BEGAIN: variants seen among roughly 807,000 people sequenced by gnomAD.
BEGAIN encodes the protein brain enriched guanylate kinase associated, also known as brain-enriched guanylate kinase-associated protein.
In BEGAIN, 19 loss-of-function variants were observed where a neutral mutation model predicts 35.8. That is an observed-to-expected ratio of 0.53 (90% confidence interval 0.37 to 0.78). The LOEUF (loss-of-function observed/expected upper bound fraction) is 0.78, where lower values mean the gene tolerates loss of function less well. Ranked by LOEUF, BEGAIN falls within the 30% of genes least tolerant of loss-of-function variation. The probability of loss-of-function intolerance (pLI) is 0.00; values close to 1 mark genes in which losing one functional copy is unlikely to be tolerated. For synonymous variants in BEGAIN, 462 were observed against 388.6 expected (o/e 1.19, Z -2.22); for missense variants, 795 against 853.6 (o/e 0.93, Z 0.85).
intron 5 of BEGAIN, among the ~76,000 whole-genome samples, chr14:100,543,155 C>A (rs2031882237): frequency 6.6e-6 from 1 of 152,162 alleles, no homozygotes; most frequent in South Asian, 2.1e-4. Context: ...TCCAGAAGCA[C>A]CCTCTTGAAA....
In BEGAIN at chr14:100,552,320, T is replaced by G. The variant is rs143046462; in HGVS notation, c.72-5658A>C. On this transcript the variant is annotated intron_variant, in intron 2 of 6. Coordinates refer to ENST00000554140, the MANE Select transcript of BEGAIN (RefSeq NM_001385089.1). ...TCTCTCACAGGACATTTACTGAGCA[T>G]CACTGGTGACCCGCTCTGGTTCTGA... is the stretch of plus-strand genomic sequence containing the variant. Among the ~76,000 whole-genome samples the G allele has an allele frequency of 9.7e-4, 147 of 152,294 alleles. 1 individual carries two copies. Among genetic ancestry groups the G allele is most frequent in the African/African-American group, 3.4e-3 (142 of 41,558 alleles).
intron 1 of BEGAIN, among the ~76,000 whole-genome samples, chr14:100,580,907 T>C (rs982028721): frequency 2.0e-4 from 31 of 152,058 alleles, no homozygotes; most frequent in African/African-American, 6.8e-4. Flanking sequence ...GATGAGAATA[T>C]AGGGGAGGGA....
chr14:100,570,624 T>G (rs1008718461), intron 1 of BEGAIN, among the ~76,000 whole-genome samples: 3 of 152,024 alleles, frequency 2.0e-5, no homozygotes, highest in Non-Finnish European at 2.9e-5. Context: ...GACTAAAAGA[T>G]GGGTTGTGCC....
In BEGAIN at chr14:100,563,938, A is replaced by G. The variant is rs927575854; in HGVS notation, c.71+3973T>C. On this transcript the variant is annotated intron_variant, in intron 2 of 6. Coordinates refer to ENST00000554140, the MANE Select transcript of BEGAIN (RefSeq NM_001385089.1). The surrounding 1 kb of genome is among the most constrained non-coding windows in gnomAD (Gnocchi z 4.2). The stretch of plus-strand genomic sequence containing the variant: ...CCCAAAACACAGGCTGAAGGAATCC[A>G]GGTATGAGGTCCCAAAGCAGGCAAC... Among the ~76,000 whole-genome samples the G allele has an allele frequency of 1.1e-4, 16 of 152,342 alleles. No homozygotes were observed. The highest frequency in any genetic ancestry group is 2.0e-4 in the Admixed American group (3 of 15,310).
rs187169520 is a variant in BEGAIN at position 100,540,167 on chromosome 14, G to A, written c.492+329C>T. ...ATCGTGCCCAGCCACAGGCTCCTGC[G>A]AAGCTCCACAAAGGTCACTCTGCCG... On this transcript the variant is annotated intron_variant, in intron 6 of 6. Transcript: ENST00000554140. 212 of 318,322 alleles carry A rather than the reference G, an allele frequency of 6.7e-4. 3 individuals are homozygous for A. The East Asian group carries it at 9.4e-3, about 14-fold the overall frequency. The allele number at this position is 318,322 out of a possible 1,614,324, so 19.7% of individuals were successfully genotyped here. A position where few individuals can be genotyped will look rare whatever the true frequency, so the allele number is the denominator to read the frequency against.
intron 2 of BEGAIN, among the ~76,000 whole-genome samples, chr14:100,552,692 G>A (rs2033322605): frequency 6.6e-6 from 1 of 152,230 alleles, no homozygotes; most frequent in Admixed American, 6.5e-5. Context: ...ACCTCCCACT[G>A]GTTTCCTGGC....
At chr14:100,559,568 G>A (rs1284693616) in intron 2 of BEGAIN, among the ~76,000 whole-genome samples, 1 of 152,216 alleles carries the variant, frequency 6.6e-6, no homozygotes, top group Non-Finnish European at 1.5e-5. Flanking sequence ...ACCCACGCTG[G>A]CTTTGCTAAT....
chr14:100,546,707 G>C (rs771955934), intron 2 of BEGAIN, 45 bp from the exon 3 acceptor site: 6 of 1,518,830 alleles, frequency 4.0e-6, no homozygotes, highest in Admixed American at 2.0e-5. Flanking sequence ...GCGCTGAGCG[G>C]GGGAAACTAA....
In BEGAIN at chr14:100,568,870, G is replaced by A. The variant is rs986926242; in HGVS notation, c.43-931C>T. On this transcript the variant is annotated intron_variant, in intron 1 of 6. Coordinates refer to ENST00000554140, the MANE Select transcript of BEGAIN (RefSeq NM_001385089.1). This position sits in a 1 kb window ranked among gnomAD's most constrained non-coding sequence, Gnocchi z 7.5. ...GTGACTGGCACTCAAGGGGGACAGG[G>A]GTCCGAGCTCAGGGACCACGCGACA... 15 of 985,680 alleles carry A rather than the reference G, an allele frequency of 1.5e-5. No individual in the cohort carries two copies. The African/African-American group carries it at 2.3e-4, about 15-fold the overall frequency. The allele number at this position is 985,680 out of a possible 1,614,324, so 61.1% of individuals were successfully genotyped here.
intron 2 of BEGAIN, among the ~76,000 whole-genome samples, chr14:100,562,503 T>C (rs7147581): frequency 0.57 from 87,223 of 151,722 alleles, 28,310 homozygotes; most frequent in African/African-American, 0.89. Context: ...TCCATCCTTT[T>C]AGCTGCTCGT....
At chr14:100,541,920 C>G (rs961405684) in intron 5 of BEGAIN, among the ~76,000 whole-genome samples, 1 of 152,218 alleles carries the variant, frequency 6.6e-6, no homozygotes, top group African/African-American at 2.4e-5. Context: ...CACCCAGGGC[C>G]CGGGGCTGCT....
At chr14:100,560,718 G>A (rs2034166307) in intron 2 of BEGAIN, among the ~76,000 whole-genome samples, 2 of 152,224 alleles carry the variant, frequency 1.3e-5, no homozygotes, top group African/African-American at 4.8e-5. Flanking sequence ...GTGGCCACGA[G>A]GGCAGAGGAA....
chr14:100,579,338 G>A (rs1468273877), intron 1 of BEGAIN, among the ~76,000 whole-genome samples: 1 of 152,382 alleles, frequency 6.6e-6, no homozygotes, highest in Non-Finnish European at 1.5e-5. Context: ...GGCCTCGGGT[G>A]TAGTTAGGTG....
intron 2 of BEGAIN, among the ~76,000 whole-genome samples, chr14:100,566,429 C>T (rs1043810888): frequency 2.0e-5 from 3 of 152,192 alleles, no homozygotes; most frequent in Admixed American, 6.5e-5. Flanking sequence ...AGAGAACCAC[C>T]GCAGGGAACC....
At position 100,538,175 on chromosome 14, in the gene BEGAIN, C is replaced by G. The variant is rs1456036053; in HGVS notation, c.1633G>C (p.Val545Leu). The change falls in exon 7 of 7, where the codon GTG becomes CTG. Residue 545 changes from valine to leucine, a missense_variant. This residue lies in a region of BEGAIN where 664 missense variants were observed against 647.7 expected (regional missense o/e 1.03). Transcript: ENST00000554140. ...SEGGDGDRLG[V>L]QLCGTASSPE... ...CTGCTGGCGGTCCCACACAGCTGCA[C>G]CCCGAGCCTGTCCCCGTCCCCCCCC... 10 of 1,536,986 alleles carry G rather than the reference C, an allele frequency of 6.5e-6. No homozygotes were observed. The highest frequency in any genetic ancestry group is 8.7e-6 in the Non-Finnish European group (10 of 1,145,344).
rs72715804 is a variant in BEGAIN at position 100,558,348 on chromosome 14, C to T, written c.71+9563G>A. 1.2e-3 allele frequency among the ~76,000 whole-genome samples: 189 copies of T among 152,318 alleles called. 1 individual carries two copies. Among genetic ancestry groups the T allele is most frequent in the Admixed American group, 2.3e-3 (35 of 15,308 alleles). ...CAGCAGCCAGGCACATGCTGCCTCT[C>T]CCTGCTCCCGCACCTCCCACCCTCA... On this transcript the variant is annotated intron_variant, in intron 2 of 6. Transcript: ENST00000554140. The surrounding 1 kb of genome is among the most constrained non-coding windows in gnomAD (Gnocchi z 4.6).
At position 100,564,214 on chromosome 14, in the gene BEGAIN, C is replaced by T. The variant is rs913456024; in HGVS notation, c.71+3697G>A. Among the ~76,000 whole-genome samples the T allele has an allele frequency of 5.3e-5, 8 of 151,694 alleles. No individual in the cohort carries two copies. In the South Asian group the frequency reaches 6.3e-4, roughly 12 times the overall value. ...ACACAGGTGGTGGTCGCCAGGTGGT[C>T]GTTCTAAACTTAACCACTGAACTGT... is the stretch of plus-strand genomic sequence containing the variant. On this transcript the variant is annotated intron_variant, in intron 2 of 6. Transcript: ENST00000554140.
chr14:100,575,533 T>A (rs1486594212), intron 1 of BEGAIN, among the ~76,000 whole-genome samples: 1 of 152,252 alleles, frequency 6.6e-6, no homozygotes, highest in East Asian at 1.9e-4. Context: ...GTTTATAGAA[T>A]GAGACTGACC....
chr14:100,564,208 G>C (rs1400454374), intron 2 of BEGAIN, among the ~76,000 whole-genome samples: 1 of 152,038 alleles, frequency 6.6e-6, no homozygotes, highest in Non-Finnish European at 1.5e-5. Flanking sequence ...GTGGTCGCCA[G>C]GTGGTCGTTC....
Sources: allele counts gnomAD v4.1 joint callset (sites outside exome capture counted in the v4.1 genomes callset), GRCh38; gene constraint gnomAD v4.1.1; regional missense constraint gnomAD v4.1.1; non-coding constraint Gnocchi (gnomAD v3.1); transcripts MANE v1.5; gene names NCBI Gene and HGNC (gene_info 2026-07-23, HGNC 2026-07-21).